TBK1: variants seen among roughly 807,000 people sequenced by gnomAD.
TBK1 encodes TANK binding kinase 1.
TBK1 carries 37 observed loss-of-function variants against 99.9 expected under a neutral mutation model. That is an observed-to-expected ratio of 0.37 (90% CI 0.28 to 0.49). The LOEUF is 0.49. Among genes scored for constraint, TBK1 ranks in the 20% least tolerant of loss-of-function variants. The pLI is 0.98. For synonymous variants in TBK1, 258 were observed against 279.8 expected, an observed-to-expected ratio of 0.92 and a Z score of 0.78; for missense variants, 644 against 872.5, an observed-to-expected ratio of 0.74 and a Z score of 3.30.
At chr12:64,474,542 CTTATA>C (rs1325311195) in intron 6 of TBK1, 152 bp downstream of exon 6, 1 of 741,318 alleles carries the variant, frequency 1.3e-6, no homozygotes, top group Non-Finnish European at 2.1e-6. Context: ...AGAATGCAGC[CTTATA>C]AAAGTTTGCA....
chr12:64,499,738 G>A (rs543254423), intron 20 of TBK1, among the ~76,000 whole-genome samples: 5 of 116,342 alleles, frequency 4.3e-5, no homozygotes, highest in East Asian at 5.3e-4. Flanking sequence ...TCGCTTTGTC[G>A]CCAGGCGGGA....
At position 64,481,859 on chromosome 12, in the gene TBK1, T is replaced by C; in HGVS notation, c.830T>C (p.Leu277Pro). Residue 277 changes from leucine (L) to proline (P), a missense_variant, in exon 8 of 21, where the codon CTT becomes CCT. By Grantham distance (98) the Leu-to-Pro change is moderately conservative (BLOSUM62 -3). Coordinates refer to ENST00000331710, the MANE Select transcript of TBK1 (RefSeq NM_013254.4). ...TATTTTAGGGGTCTTCAGGTTCTAC[T>C]TACCCCTGTTCTTGCAAACATCCTT... ...CSLSRGLQVLLTPVLANILEA... is the reference protein window; with the variant it reads ...CSLSRGLQVLPTPVLANILEA... 1 of 1,602,888 alleles carries C rather than the reference T, an allele frequency of 6.2e-7. No homozygotes were observed. The highest frequency in any genetic ancestry group is 2.3e-5 in the East Asian group (1 of 44,194).
At chr12:64,482,391 T>C (rs2040776397) in intron 8 of TBK1, among the ~76,000 whole-genome samples, 1 of 152,216 alleles carries the variant, frequency 6.6e-6, no homozygotes, top group Admixed American at 6.5e-5. Context: ...AAGTCTTCAT[T>C]GTTAGCATGG....
At chr12:64,461,664 T>C (rs1244095776) in intron 3 of TBK1, among the ~76,000 whole-genome samples, 1 of 152,132 alleles carries the variant, frequency 6.6e-6, no homozygotes, top group African/African-American at 2.4e-5. Context: ...TTGATACCAA[T>C]TGCAAAGGAG....
Position 64,480,039 on chromosome 12 carries a change from T to G in TBK1, c.729T>G (p.Ser243=), listed in dbSNP as rs539112073. The change falls in exon 7 of 21, where the codon TCT becomes TCG. Residue 243 remains serine (S), a synonymous_variant. Coordinates refer to ENST00000331710, the MANE Select transcript of TBK1 (RefSeq NM_013254.4). Reference sequence around the variant, plus strand: ...ATAAAATAATTACAGGAAAGCCTTCTGGTGCAATATCTGGAGTACAGAAAG... The same window carrying G: ...ATAAAATAATTACAGGAAAGCCTTCGGGTGCAATATCTGGAGTACAGAAAG... The part of the protein sequence containing the change: ...VMYKIITGKP[S]GAISGVQKAE... 4 of 1,612,680 alleles carry G rather than the reference T, an allele frequency of 2.5e-6. No individual in the cohort carries two copies. In the East Asian group the frequency reaches 6.7e-5, roughly 27 times the overall value.
chr12:64,495,432 G>T (rs760351923), intron 13 of TBK1, 51 bp from the exon 14 acceptor site: 64 of 1,598,284 alleles, frequency 4.0e-5, no homozygotes, highest in Non-Finnish European at 2.5e-5. Context: ...GGACTGTGAT[G>T]ATCATTTCTG....
In TBK1 at chr12:64,492,370, G is replaced by A. The variant is rs149140055; in HGVS notation, c.1521+2251G>A. Among the ~76,000 whole-genome samples the A allele has an allele frequency of 4.9e-3, 742 of 151,864 alleles. 5 individuals carry two copies. Among genetic ancestry groups the A allele is most frequent in the African/African-American group, 0.017 (690 of 41,438 alleles). The stretch of plus-strand genomic sequence containing the variant: ...TGCCCAGGCTGGAGTGCAGTGGCGC[G>A]ATCTTGGCTCACTGCAGCCTCCGCC... On this transcript the variant is annotated intron_variant, in intron 13 of 20. Coordinates refer to ENST00000331710, the MANE Select transcript of TBK1 (RefSeq NM_013254.4).
At chr12:64,480,160 T>C (rs766478437) in intron 7 of TBK1, 38 bp downstream of exon 7, 37 of 1,510,304 alleles carry the variant, frequency 2.4e-5, no homozygotes, top group Non-Finnish European at 3.0e-5. Flanking sequence ...TTTTGCACTT[T>C]GGTGTTTGAA....
chr12:64,490,004 A>G (rs2040854114), intron 12 of TBK1, 37 bp from the exon 13 acceptor site: 1 of 1,282,832 alleles, frequency 7.8e-7, no homozygotes, highest in Non-Finnish European at 1.1e-6. Context: ...TGTATTGATT[A>G]TACTCATTTA....
chr12:64,497,576 T>A, intron 18 of TBK1, 72 bp from the exon 19 acceptor site: 1 of 1,010,390 alleles, frequency 9.9e-7, no homozygotes, highest in Non-Finnish European at 1.5e-6. Flanking sequence ...TGATGTCAGA[T>A]CTGTAGTAAG....
Position 64,495,767 on chromosome 12 carries a change from C to G in TBK1, c.1712C>G (p.Ala571Gly), listed in dbSNP as rs765035140. 1 of 1,582,518 alleles carries G rather than the reference C, an allele frequency of 6.3e-7. No homozygotes were observed. Among genetic ancestry groups the G allele is most frequent in the Non-Finnish European group, 8.6e-7 (1 of 1,167,790 alleles). Residue 571 changes from alanine (A) to glycine (G), a missense_variant, in exon 15 of 21, where the codon GCA becomes GGA. By Grantham distance (60) the Ala-to-Gly change is moderately conservative. Around this residue, in one of 3 missense-constraint regions of TBK1, gnomAD observed 465 missense variants for 588.0 expected, o/e 0.79. Coordinates refer to ENST00000331710, the MANE Select transcript of TBK1 (RefSeq NM_013254.4). The part of the protein sequence containing the change: ...EIYYQFKKDK[A>G]ERRLAYNEEQ... Reference sequence around the variant, plus strand: ...TACTATCAGTTCAAAAAAGACAAAGCAGAACGTAGTAAGTAAAATTTGCTA... The same window carrying G: ...TACTATCAGTTCAAAAAAGACAAAGGAGAACGTAGTAAGTAAAATTTGCTA...
Position 64,490,067 on chromosome 12 carries a change from T to A in TBK1, c.1469T>A (p.Leu490Gln). The A allele has an allele frequency of 1.9e-6, 3 of 1,610,388 alleles. No homozygotes were observed. The highest frequency in any genetic ancestry group is 2.7e-5 in the African/African-American group (2 of 74,872). ...KVYEKLMKIN[L>Q]EAAELGEISD... ...TATGAAAAGTTGATGAAGATCAACC[T>A]GGAAGCGGCAGAGTTAGGTGAAATT... Residue 490 changes from leucine (L) to glutamine (Q), a missense_variant, in exon 13 of 21, where the codon CTG becomes CAG. Coordinates refer to ENST00000331710, the MANE Select transcript of TBK1 (RefSeq NM_013254.4).
At chr12:64,454,388 A>G (rs903628630) in intron 1 of TBK1, among the ~76,000 whole-genome samples, 2 of 152,088 alleles carry the variant, frequency 1.3e-5, no homozygotes, top group Non-Finnish European at 2.9e-5. Flanking sequence ...CTGGGATTAC[A>G]GGCATGCGCC....
intron 13 of TBK1, among the ~76,000 whole-genome samples, chr12:64,493,576 G>A (rs920833684): frequency 2.0e-5 from 3 of 151,730 alleles, no homozygotes; most frequent in East Asian, 1.9e-4. Flanking sequence ...GCTGTGAGCC[G>A]AGATCATGCC....
In TBK1 at chr12:64,474,427, T is replaced by TA. The variant is rs780529008; in HGVS notation, c.701+43dup. The TA allele has an allele frequency of 3.2e-6, 5 of 1,570,320 alleles. No homozygotes were observed. In the South Asian group the frequency reaches 5.9e-5, roughly 18 times the overall value. On this transcript the variant is annotated intron_variant, in intron 6 of 20. Transcript: ENST00000331710. ...CCCGATCTAAAATCAGAGAAGCATT[T>TA]AAAAAATGATTTCTGTCTTGGTTCA...
chr12:64,499,690 G>A (rs574243855), intron 20 of TBK1, among the ~76,000 whole-genome samples: 4 of 134,228 alleles, frequency 3.0e-5, no homozygotes, highest in African/African-American at 1.1e-4. Context: ...CTATAAAGAT[G>A]TGCTTTTTTT....
intron 5 of TBK1, among the ~76,000 whole-genome samples, chr12:64,472,289 T>C (rs1265533997): frequency 7.6e-6 from 1 of 132,044 alleles, no homozygotes; most frequent in Non-Finnish European, 1.6e-5. Flanking sequence ...AAATCAGAGA[T>C]TGTGATCCTT....
intron 8 of TBK1, among the ~76,000 whole-genome samples, chr12:64,482,956 G>A (rs943064964): frequency 2.0e-5 from 3 of 152,180 alleles, no homozygotes; most frequent in African/African-American, 7.2e-5. Context: ...GTTAATAGCT[G>A]GTTGTGATGC....
chr12:64,468,004 A>T (rs2040623842), intron 5 of TBK1, among the ~76,000 whole-genome samples: 2 of 152,030 alleles, frequency 1.3e-5, no homozygotes, highest in South Asian at 4.2e-4. Flanking sequence ...TCTGGGCACA[A>T]TGACAAGACC....
Sources: allele counts gnomAD v4.1 joint callset (sites outside exome capture counted in the v4.1 genomes callset), GRCh38; gene constraint gnomAD v4.1.1; regional missense constraint gnomAD v4.1.1; transcripts MANE v1.5; gene names NCBI Gene and HGNC (gene_info 2026-07-23, HGNC 2026-07-21).